Variants in TLCD4 observed in about 807,000 individuals in gnomAD.
TLCD4 encodes TLC domain containing 4, also known as TLC domain-containing protein 4.
In TLCD4, 7 loss-of-function variants were observed where a neutral mutation model predicts 24.2. That is an observed-to-expected ratio of 0.29 (90% CI 0.16 to 0.54). The LOEUF is 0.54. Among genes scored for constraint, TLCD4 ranks in the 20% least tolerant of loss-of-function variants. The pLI is 0.95. For synonymous variants in TLCD4, 103 were observed against 106.4 expected (o/e 0.97, Z 0.20); for missense variants, 259 against 313.9 (o/e 0.82, Z 1.32).
intron 5 of TLCD4, among the ~76,000 whole-genome samples, chr1:95,165,713 G>A (rs904954260): frequency 2.4e-4 from 37 of 152,242 alleles, no homozygotes; most frequent in Admixed American, 3.3e-4. Context: ...TGATCCACCC[G>A]CCTCGGCCTC....
chr1:95,133,246 A>ACG (rs1164013006), intron 1 of TLCD4, among the ~76,000 whole-genome samples: 2 of 151,842 alleles, frequency 1.3e-5, no homozygotes, highest in African/African-American at 2.4e-5. Flanking sequence ...GGGTGGGGGG[A>ACG]CGGAGGAGGG....
At chr1:95,106,164 T>C in the TLCD4 span, among the ~76,000 whole-genome samples, 4 of 152,314 alleles carry the variant, frequency 2.6e-5, no homozygotes, top group South Asian at 8.3e-4. Context: ...CCTCAATTTC[T>C]ATCTATAAAT....
At chr1:95,138,704 T>C (rs971901216) in intron 1 of TLCD4, 1 of 151,542 alleles carries the variant, frequency 6.6e-6, no homozygotes, top group African/African-American at 2.4e-5. Flanking sequence ...AATACTACAT[T>C]GTATAGTATT....
chr1:95,100,468 C>T, the TLCD4 span, among the ~76,000 whole-genome samples: 1 of 151,934 alleles, frequency 6.6e-6, no homozygotes, highest in Non-Finnish European at 1.5e-5. Flanking sequence ...CCAGCTACTC[C>T]AGAGGCTAAG....
chr1:95,164,695 A>G (rs920430331), intron 5 of TLCD4: 1 of 151,930 alleles, frequency 6.6e-6, no homozygotes. Flanking sequence ...CTACTTCTCT[A>G]ACTCCTACTT....
At position 95,195,554 on chromosome 1, in the gene TLCD4, G is replaced by A. The variant is rs1557703008; in HGVS notation, c.*3686G>A. The A allele has an allele frequency of 6.6e-6, 1 of 152,060 alleles. No homozygotes were observed. The highest frequency in any genetic ancestry group is 2.4e-5 in the African/African-American group (1 of 41,418). 9.4% of individuals were successfully genotyped at this position (152,060 alleles called of 1,614,324 possible). ...AAGGTTTATGTATTTTTATGTGTTT[G>A]GATTCCATAAGAAGTTGAACTTAGA... On this transcript the variant is annotated 3_prime_UTR_variant, in exon 7 of 7. Transcript: ENST00000370203.
intron 6 of TLCD4, among the ~76,000 whole-genome samples, chr1:95,186,888 T>C (rs1678847297): frequency 6.6e-6 from 1 of 152,164 alleles, no homozygotes. Flanking sequence ...GATATTTTAA[T>C]CACTCAATAA....
chr1:95,114,766 C>G (rs1676397099), upstream of TLCD4, among the ~76,000 whole-genome samples: 1 of 151,318 alleles, frequency 6.6e-6, no homozygotes, highest in African/African-American at 2.4e-5. Context: ...GCGGAGGTTG[C>G]AGTGATCCGA....
At chr1:95,130,162 A>ATT (rs35899204) in intron 1 of TLCD4, among the ~76,000 whole-genome samples, 6 of 151,300 alleles carry the variant, frequency 4.0e-5, no homozygotes, top group Non-Finnish European at 7.4e-5. Flanking sequence ...TATTTAATTT[A>ATT]TTTTTTTTTG....
intron 1 of TLCD4, among the ~76,000 whole-genome samples, chr1:95,133,266 G>A (rs1297326258): frequency 6.6e-6 from 1 of 152,052 alleles, no homozygotes; most frequent in Non-Finnish European, 1.5e-5. Flanking sequence ...GATAGCATTA[G>A]CAGATATACC....
chr1:95,100,910 C>CTTT, the TLCD4 span, among the ~76,000 whole-genome samples: 1 of 142,206 alleles, frequency 7.0e-6, no homozygotes, highest in Non-Finnish European at 1.5e-5. Context: ...AGGTCTCCAA[C>CTTT]TTTTTTTTTT....
chr1:95,186,806 A>G (rs1678845330), intron 6 of TLCD4, among the ~76,000 whole-genome samples: 2 of 152,332 alleles, frequency 1.3e-5, no homozygotes, highest in Admixed American at 1.3e-4. Flanking sequence ...TAATTGTCTT[A>G]GATAATTTAG....
intron 6 of TLCD4, among the ~76,000 whole-genome samples, chr1:95,184,475 G>A (rs954404221): frequency 3.9e-5 from 6 of 151,906 alleles, no homozygotes; most frequent in Non-Finnish European, 7.4e-5. Context: ...TAGTGAGTAC[G>A]ATACCTCTAC....
At chr1:95,158,784 T>C (rs557543838) in intron 5 of TLCD4, among the ~76,000 whole-genome samples, 30 of 152,070 alleles carry the variant, frequency 2.0e-4, no homozygotes, top group Admixed American at 1.2e-3. Context: ...TTGCGATAGT[T>C]TGCTCAGAAT....
chr1:95,158,188 C>CTTTT (rs5776255), intron 5 of TLCD4, among the ~76,000 whole-genome samples: 1 of 128,794 alleles, frequency 7.8e-6, no homozygotes, highest in African/African-American at 2.9e-5. Context: ...TTAATTTTTT[C>CTTTT]TTTTTTTTTT....
chr1:95,152,898 C>T (rs186025272), intron 5 of TLCD4, among the ~76,000 whole-genome samples: 1 of 152,246 alleles, frequency 6.6e-6, no homozygotes, highest in Non-Finnish European at 1.5e-5. Flanking sequence ...TACACCCTTT[C>T]TGACTACATT....
At chr1:95,110,583 G>A in the TLCD4 span, among the ~76,000 whole-genome samples, 1 of 152,002 alleles carries the variant, frequency 6.6e-6, no homozygotes, top group Admixed American at 6.6e-5. Context: ...AAATATCGAG[G>A]AGGACATTCA....
chr1:95,159,270 A>AT (rs1677715585), intron 5 of TLCD4, among the ~76,000 whole-genome samples: 1 of 152,086 alleles, frequency 6.6e-6, no homozygotes, highest in African/African-American at 2.4e-5. Context: ...GATGATGAGC[A>AT]TTTTTTCACG....
chr1:95,113,259 T>C (rs533665181), upstream of TLCD4, among the ~76,000 whole-genome samples: 88 of 152,246 alleles, frequency 5.8e-4, no homozygotes, highest in African/African-American at 2.0e-3. Context: ...GCCAGGCTGG[T>C]GGTCTCAACC....
Sources: gnomAD v4.1 joint callset for allele counts (sites outside exome capture counted in the v4.1 genomes callset) on GRCh38, gnomAD v4.1.1 for gene constraint, MANE v1.5 for transcripts, NCBI Gene and HGNC (gene_info 2026-07-23, HGNC 2026-07-21) for gene names.